The following DOC2A variants were observed in gnomAD, a reference collection of about 807,000 sequenced individuals.
DOC2A encodes the protein double C2 domain alpha.
In DOC2A, 28 loss-of-function variants were observed where a neutral mutation model predicts 40.6. The observed-to-expected ratio is 0.69, with a 90% CI of 0.51 to 0.95. The LOEUF is 0.95. DOC2A is among the 40% of genes least tolerant of loss of function. DOC2A has a pLI of 0.00. For missense variants in DOC2A, 474 were observed against 552.5 expected (o/e 0.86, Z 1.42); for synonymous variants, 241 against 236.9 (o/e 1.02, Z -0.16).
chr16:30,017,091 G>A (rs931067462), upstream of DOC2A, among the ~76,000 whole-genome samples: 2 of 152,088 alleles, frequency 1.3e-5, no homozygotes, highest in African/African-American at 4.8e-5. Context: ...CATTCTACCA[G>A]CCTGGTCAAC....
upstream of DOC2A, among the ~76,000 whole-genome samples, chr16:30,016,209 T>A (rs965448552): frequency 1.3e-5 from 2 of 150,992 alleles, no homozygotes; most frequent in Non-Finnish European, 2.9e-5. Context: ...CCACCATGCC[T>A]GGCTAATTGT....
At position 30,006,866 on chromosome 16, in the gene DOC2A, C is replaced by T. The variant is rs764293462; in HGVS notation, c.797G>A (p.Arg266Gln). The T allele has an allele frequency of 8.2e-5, 133 of 1,613,396 alleles. No individual in the cohort carries two copies. The South Asian group carries it at 1.0e-3, about 13-fold the overall frequency. The stretch of plus-strand genomic sequence containing the variant: ...GCGCAAGATGCCTACCAGCAGTCCC[C>T]GGCGCCGCGAGCTGTAGCTGAGACT... ...LLSLSYSSRR[R>Q]GLLVGILRCA... The change falls in exon 8 of 11, where the codon CGG (arginine) becomes CAG (glutamine). Residue 266 changes from arginine to glutamine, a missense_variant. Coordinates refer to ENST00000350119, the MANE Select transcript of DOC2A (RefSeq NM_003586.3). The surrounding 1 kb of genome is among the most constrained non-coding windows in gnomAD (Gnocchi z 6.2).
At position 30,005,890 on chromosome 16, in the gene DOC2A, G is replaced by A. The variant is rs2070566389; in HGVS notation, c.*296C>T. ...GGGGAGAGGGACGGGGCAGCGTGGA[G>A]AGGCAGGAGTGAGGAGCGCGGGGGC... On this transcript the variant is annotated 3_prime_UTR_variant, in exon 11 of 11. Transcript: ENST00000350119. 2 of 511,960 alleles carry A rather than the reference G, an allele frequency of 3.9e-6. No homozygotes were observed. The highest frequency in any genetic ancestry group is 6.9e-6 in the Non-Finnish European group (2 of 288,140). 31.7% of individuals were successfully genotyped at this position (511,960 alleles called of 1,614,324 possible).
chr16:30,011,548 A>C (rs981797296), upstream of DOC2A: 594 of 243,470 alleles, frequency 2.4e-3, no homozygotes, highest in Admixed American at 5.9e-3. Context: ...ATCTCCCCCC[A>C]CCCCCGCGCG....
upstream of DOC2A, among the ~76,000 whole-genome samples, chr16:30,016,071 T>TC (rs1323747374): frequency 8.3e-6 from 1 of 120,208 alleles, no homozygotes; most frequent in African/African-American, 3.5e-5. Context: ...TTTTTTTTTT[T>TC]TTTTTTTAGA....
At position 30,009,430 on chromosome 16, in the gene DOC2A, G is replaced by A; in HGVS notation, c.342+48C>T. On this transcript the variant is annotated intron_variant, in intron 3 of 10. Transcript: ENST00000350119. The surrounding 1 kb of genome is among the most constrained non-coding windows in gnomAD (Gnocchi z 4.1). ...GGAAGGAGGAATGGGCCCCCTCTGG[G>A]GGCTGCACGCAAACCGGGCCCGGGC... 3 of 1,539,878 alleles carry A rather than the reference G, an allele frequency of 1.9e-6. No homozygotes were observed. The highest frequency in any genetic ancestry group is 1.8e-6 in the Non-Finnish European group (2 of 1,137,232).
intron 1 of DOC2A, among the ~76,000 whole-genome samples, chr16:30,020,609 G>A (rs1164654586): frequency 2.0e-5 from 3 of 151,988 alleles, no homozygotes; most frequent in Admixed American, 1.3e-4. Flanking sequence ...TTAGGAGGCC[G>A]CGGAGGGCAG....
upstream of DOC2A, among the ~76,000 whole-genome samples, chr16:30,012,040 C>T (rs981489011): frequency 2.0e-5 from 3 of 152,268 alleles, no homozygotes; most frequent in South Asian, 6.2e-4. Context: ...CACCCCTGGC[C>T]TTCGGTCTTC....
chr16:30,006,447 C>T lies in DOC2A; in HGVS notation c.1023G>A (p.Trp341Ter). ...LATKTLEVTV[W>*]DYDIGKSNDF... ...CATTGGATTTGCCAATGTCATAGTC[C>T]CAGACGGTGACTTCCAGGGTCTTGG... The change falls in exon 10 of 11, where the codon TGG (tryptophan) becomes TGA (stop). Residue 341 changes from tryptophan to a stop codon, truncating the protein, a stop_gained. Transcript: ENST00000350119. LOFTEE classifies it high-confidence loss of function. The surrounding 1 kb of genome is among the most constrained non-coding windows in gnomAD (Gnocchi z 6.2). 6.2e-7 allele frequency: 1 copy of T among 1,613,684 alleles called. No homozygotes were observed. The highest frequency in any genetic ancestry group is 8.5e-7 in the Non-Finnish European group (1 of 1,179,924).
Position 30,005,771 on chromosome 16 carries a change from T to G in DOC2A, c.*415A>C. 2.1e-6 allele frequency: 1 copy of G among 468,564 alleles called. No homozygotes were observed. 29.0% of individuals were successfully genotyped at this position (468,564 alleles called of 1,614,324 possible). ...CTAGGTTTTTTCAATGAAGTTTCTG[T>G]ATTAAAGGAGTGGCTCTGGGTTTGT... On this transcript the variant is annotated 3_prime_UTR_variant, in exon 11 of 11. Transcript: ENST00000350119.
At position 30,009,813 on chromosome 16, in the gene DOC2A, C is replaced by T; in HGVS notation, c.262+148G>A. The T allele has an allele frequency of 1.0e-6, 1 of 965,472 alleles. No homozygotes were observed. The highest frequency in any genetic ancestry group is 3.1e-4 in the Middle Eastern group (1 of 3,208). The allele number at this position is 965,472 out of a possible 1,614,324, so 59.8% of individuals were successfully genotyped here. A position where few individuals can be genotyped will look rare whatever the true frequency, so the allele number is the denominator to read the frequency against. On this transcript the variant is annotated intron_variant, in intron 2 of 10. Transcript: ENST00000350119. The surrounding 1 kb of genome is among the most constrained non-coding windows in gnomAD (Gnocchi z 4.1). ...GAAGCTGTAATCTCCACGCTGACTG[C>T]AGCTGTGGTGGCCGTCCCTGCCACC...
upstream of DOC2A, chr16:30,023,085 C>T (rs1056050774): frequency 2.6e-5 from 10 of 389,880 alleles, no homozygotes; most frequent in African/African-American, 1.8e-4. Flanking sequence ...TCCTTTAGTT[C>T]GGGCTTTCAG....
rs771483290 is a variant in DOC2A at position 30,009,511 on chromosome 16, G to C, written c.309C>G (p.Ser103=). Residue 103 remains serine, a synonymous_variant, in exon 3 of 11, where the codon TCC becomes TCG. Transcript: ENST00000350119. The surrounding 1 kb of genome is among the most constrained non-coding windows in gnomAD (Gnocchi z 4.1). Reference sequence around the variant, plus strand: ...TGAGGATGCTACAGTGCAGAGTGCAGGAGGCCCGGTCGTAGAGAAGGTCAA... The same window carrying C: ...TGAGGATGCTACAGTGCAGAGTGCACGAGGCCCGGTCGTAGAGAAGGTCAA... The part of the protein sequence containing the change: ...LEFDLLYDRA[S]CTLHCSILRA... 1 of 1,551,474 alleles carries C rather than the reference G, an allele frequency of 6.4e-7. No individual in the cohort carries two copies. The highest frequency in any genetic ancestry group is 8.7e-7 in the Non-Finnish European group (1 of 1,147,006).
upstream of DOC2A, chr16:30,011,541 TC>T: frequency 6.3e-6 from 2 of 316,486 alleles, no homozygotes; most frequent in Non-Finnish European, 8.4e-6. Context: ...CCGGCTCATC[TC>T]CCCCCACCCC....
At position 30,010,295 on chromosome 16, in the gene DOC2A, A is replaced by G. The variant is rs2070744451; in HGVS notation, c.-13-60T>C. On this transcript the variant is annotated intron_variant, in intron 1 of 10. Transcript: ENST00000350119. This position sits in a 1 kb window ranked among gnomAD's most constrained non-coding sequence, Gnocchi z 4.2. ...TACCTAGCCATCCTGGCTGAGGGCC[A>G]GGCGACGGCCTCCTCGGTCTGTGGG... 4 of 1,601,544 alleles carry G rather than the reference A, an allele frequency of 2.5e-6. No individual in the cohort carries two copies. In the East Asian group the frequency reaches 8.9e-5, roughly 36 times the overall value.
chr16:30,010,083 C>T lies in DOC2A; in HGVS notation c.140G>A (p.Gly47Glu). The T allele has an allele frequency of 6.2e-7, 1 of 1,612,288 alleles. No homozygotes were observed. ...PRGPGPEGGGGGGGEAPAHLV... is the reference protein window; with the variant it reads ...PRGPGPEGGGEGGGEAPAHLV... ...ATGGGCGGGGGCCTCCCCGCCGCCC[C>T]CGCCGCCCCCTTCAGGTCCTGGTCC... Residue 47 changes from glycine to glutamate, a missense_variant, in exon 2 of 11, where the codon GGG becomes GAG. By Grantham distance (98) the Gly-to-Glu change is moderately conservative. Transcript: ENST00000350119. This position sits in a 1 kb window ranked among gnomAD's most constrained non-coding sequence, Gnocchi z 4.2.
chr16:30,007,138 C>T (rs748708048), intron 6 of DOC2A, 35 bp downstream of exon 6: 1 of 1,613,536 alleles, frequency 6.2e-7, no homozygotes, highest in Non-Finnish European at 8.5e-7. Flanking sequence ...CCCCAGGGCC[C>T]CCTCCCCTGG....
In DOC2A at chr16:30,009,650, CTT is replaced by C. The variant is rs2070720227; in HGVS notation, c.263-95_263-94del. The C allele has an allele frequency of 1.0e-5, 12 of 1,199,832 alleles. 1 individual carries two copies. In the South Asian group the frequency reaches 1.0e-4, roughly 10 times the overall value. The allele number at this position is 1,199,832 out of a possible 1,614,324, so 74.3% of individuals were successfully genotyped here. A position where few individuals can be genotyped will look rare whatever the true frequency, so the allele number is the denominator to read the frequency against. The stretch of plus-strand genomic sequence containing the variant: ...GCACTGGCTCTGTGTGTCTCTCTCT[CTT>C]GCCAGCCCGCGAGTGTGAGTGCAAG... On this transcript the variant is annotated intron_variant, in intron 2 of 10. Transcript: ENST00000350119. This position sits in a 1 kb window ranked among gnomAD's most constrained non-coding sequence, Gnocchi z 4.1.
chr16:30,020,908 G>A (rs1229906204), intron 1 of DOC2A, among the ~76,000 whole-genome samples: 1 of 152,116 alleles, frequency 6.6e-6, no homozygotes, highest in African/African-American at 2.4e-5. Context: ...TGTGGTCCCA[G>A]CTACTTGGGA....
Sources: allele counts gnomAD v4.1 joint callset (sites outside exome capture counted in the v4.1 genomes callset), GRCh38; gene constraint gnomAD v4.1.1; non-coding constraint Gnocchi (gnomAD v3.1); transcripts MANE v1.5; gene names NCBI Gene and HGNC (gene_info 2026-07-23, HGNC 2026-07-21).